The following RFX2 variants were observed in gnomAD, a reference collection of about 807,000 sequenced individuals.
The protein encoded by RFX2 is DNA-binding protein RFX2.
In RFX2, 20 loss-of-function variants were observed where a neutral mutation model predicts 87.8. The observed-to-expected ratio is 0.23, with a 90% CI of 0.16 to 0.33. The LOEUF (loss-of-function observed/expected upper bound fraction) is 0.33, where lower values mean the gene tolerates loss of function less well. Ranked by LOEUF, RFX2 falls within the 10% of genes least tolerant of loss-of-function variation. RFX2 has a pLI of 1.00. For synonymous variants in RFX2, 397 were observed against 431.3 expected (o/e 0.92, Z 0.98); for missense variants, 767 against 1,012.3 (o/e 0.76, Z 3.29).
In RFX2 at chr19:6,050,119, C is replaced by G. The variant is rs1452546728; in HGVS notation, c.-8-2615G>C. On this transcript the variant is annotated intron_variant, in intron 1 of 17. Coordinates refer to ENST00000303657, the MANE Select transcript of RFX2 (RefSeq NM_000635.4). This position sits in a 1 kb window ranked among gnomAD's most constrained non-coding sequence, Gnocchi z 4.6. Reference sequence around the variant, plus strand: ...AAGGTGTGGGGGAGATACCAGGGGTCTTGGGGAAAAACCAGCAGTGCAAAG... The same window carrying G: ...AAGGTGTGGGGGAGATACCAGGGGTGTTGGGGAAAAACCAGCAGTGCAAAG... Among the ~76,000 whole-genome samples, 1 of 152,146 alleles carries G rather than the reference C, an allele frequency of 6.6e-6. No homozygotes were observed. Among genetic ancestry groups the G allele is most frequent in the Non-Finnish European group, 1.5e-5 (1 of 68,018 alleles).
chr19:5,999,885 G>A lies in RFX2; in HGVS notation c.1859+1930C>T, dbSNP rs997662063. Among the ~76,000 whole-genome samples the A allele has an allele frequency of 1.3e-5, 2 of 152,188 alleles. No homozygotes were observed. Among genetic ancestry groups the A allele is most frequent in the South Asian group, 2.1e-4 (1 of 4,830 alleles). ...GATGTTCCAGGCAAGGGGGGCAGGTGCAAAGGCCCTGAGGCAGCGTGGCCA... is the reference window on the plus strand; with the variant it reads ...GATGTTCCAGGCAAGGGGGGCAGGTACAAAGGCCCTGAGGCAGCGTGGCCA... On this transcript the variant is annotated intron_variant, in intron 15 of 17. Transcript: ENST00000303657. This position sits in a 1 kb window ranked among gnomAD's most constrained non-coding sequence, Gnocchi z 4.1.
chr19:6,066,231 A>C (rs2087509292), intron 1 of RFX2, among the ~76,000 whole-genome samples: 1 of 152,066 alleles, frequency 6.6e-6, no homozygotes, highest in Non-Finnish European at 1.5e-5. Context: ...CATAACATAC[A>C]CATCCCACTG....
In RFX2 at chr19:5,997,032, C is replaced by G; in HGVS notation, c.2013+28G>C. On this transcript the variant is annotated intron_variant, in intron 16 of 17. Transcript: ENST00000303657. The surrounding 1 kb of genome is among the most constrained non-coding windows in gnomAD (Gnocchi z 4.2). ...TCTCCCCACAGGCCCGGCCAAGCCC[C>G]GGCCGTCCCACCCAGGAGGGTCCTC... 1 of 1,591,110 alleles carries G rather than the reference C, an allele frequency of 6.3e-7. No individual in the cohort carries two copies. Among genetic ancestry groups the G allele is most frequent in the South Asian group, 1.1e-5 (1 of 89,226 alleles).
rs755711204 is a variant in RFX2 at position 6,047,606 on chromosome 19, A to G, written c.-8-102T>C. 4 of 931,818 alleles carry G rather than the reference A, an allele frequency of 4.3e-6. No individual in the cohort carries two copies. The highest frequency in any genetic ancestry group is 3.3e-5 in the African/African-American group (2 of 60,410). 57.7% of individuals were successfully genotyped at this position (931,818 alleles called of 1,614,324 possible). The stretch of plus-strand genomic sequence containing the variant: ...AGGGAGGGAAGGAGTAACCAGCTAC[A>G]TTCTTCAAAGTCGAAAGGCAGAGAC... On this transcript the variant is annotated intron_variant, in intron 1 of 17. Transcript: ENST00000303657. This position sits in a 1 kb window ranked among gnomAD's most constrained non-coding sequence, Gnocchi z 4.2.
At position 5,997,916 on chromosome 19, in the gene RFX2, C is replaced by T. The variant is rs999271383; in HGVS notation, c.1860-703G>A. ...GTGTCCACAGACAGTTTCACTGGCA[C>T]GCGTCATGCCCGTTCCTATGTTGTC... On this transcript the variant is annotated intron_variant, in intron 15 of 17. Transcript: ENST00000303657. This position sits in a 1 kb window ranked among gnomAD's most constrained non-coding sequence, Gnocchi z 4.2. 6.6e-5 allele frequency among the ~76,000 whole-genome samples: 10 copies of T among 152,162 alleles called. No individual in the cohort carries two copies. Among genetic ancestry groups the T allele is most frequent in the African/African-American group, 1.9e-4 (8 of 41,424 alleles).
In RFX2 at chr19:6,004,281, T is replaced by C. The variant is rs773195810; in HGVS notation, c.1420A>G (p.Ile474Val). 1 of 1,613,844 alleles carries C rather than the reference T, an allele frequency of 6.2e-7. No homozygotes were observed. Residue 474 changes from isoleucine to valine, a missense_variant, in exon 13 of 18, where the codon ATC (isoleucine) becomes GTC (valine). Transcript: ENST00000303657. The surrounding 1 kb of genome is among the most constrained non-coding windows in gnomAD (Gnocchi z 4.8). ...RPVPSTLTQA[I>V]RNFAKSLEGW... ...TCCAAGCTCTTGGCAAAGTTACGGA[T>C]GGCCTGTGTCAAGGTACCTGGGGGA...
At position 6,046,351 on chromosome 19, in the gene RFX2, C is replaced by T. The variant is rs535931533; in HGVS notation, c.90+1056G>A. ...ATCCCAGCACTTTGGGAGGCTGAGG[C>T]GGGCAGATCACCTGAGGTCAGGAGT... On this transcript the variant is annotated intron_variant, in intron 2 of 17. Coordinates refer to ENST00000303657, the MANE Select transcript of RFX2 (RefSeq NM_000635.4). 3.0e-4 allele frequency among the ~76,000 whole-genome samples: 45 copies of T among 152,190 alleles called. No individual in the cohort carries two copies. The South Asian group carries it at 3.9e-3, about 13-fold the overall frequency.
In RFX2 at chr19:6,016,205, T is replaced by G; in HGVS notation, c.664A>C (p.Asn222His). 3 of 1,614,076 alleles carry G rather than the reference T, an allele frequency of 1.9e-6. No homozygotes were observed. Among genetic ancestry groups the G allele is most frequent in the Non-Finnish European group, 2.5e-6 (3 of 1,179,924 alleles). The change falls in exon 7 of 18, where the codon AAC becomes CAC. Residue 222 changes from asparagine (N) to histidine (H), a missense_variant. By Grantham distance (68) the Asn-to-His change is moderately conservative. Transcript: ENST00000303657. The surrounding 1 kb of genome is among the most constrained non-coding windows in gnomAD (Gnocchi z 5.4). Reference sequence around the variant, plus strand: ...TCCTGGCAGTGCCGAAGGTAGTGGTTGTAAAGAGAACTTCTGGGGAGACTC... The same window carrying G: ...TCCTGGCAGTGCCGAAGGTAGTGGTGGTAAAGAGAACTTCTGGGGAGACTC... ...GVSLPRSSLYNHYLRHCQEHK... is the reference protein window; with the variant it reads ...GVSLPRSSLYHHYLRHCQEHK...
At position 6,039,324 on chromosome 19, in the gene RFX2, G is replaced by A. The variant is rs2087069282; in HGVS notation, c.522+656C>T. Among the ~76,000 whole-genome samples, 1 of 152,206 alleles carries A rather than the reference G, an allele frequency of 6.6e-6. No individual in the cohort carries two copies. Among genetic ancestry groups the A allele is most frequent in the Admixed American group, 6.5e-5 (1 of 15,282 alleles). The stretch of plus-strand genomic sequence containing the variant: ...GCTGGGGATGGGGGAGGTTGTGACT[G>A]CCAAGAAATACCACGAGGGGGTTTT... On this transcript the variant is annotated intron_variant, in intron 5 of 17. Coordinates refer to ENST00000303657, the MANE Select transcript of RFX2 (RefSeq NM_000635.4). This position sits in a 1 kb window ranked among gnomAD's most constrained non-coding sequence, Gnocchi z 5.2.
intron 9 of RFX2, among the ~76,000 whole-genome samples, chr19:6,009,127 G>A (rs2086627586): frequency 6.6e-6 from 1 of 152,170 alleles, no homozygotes; most frequent in Non-Finnish European, 1.5e-5. Flanking sequence ...CCAGCTCAGG[G>A]CAGCACATCT....
chr19:5,996,334 C>T (rs949858350), intron 16 of RFX2, among the ~76,000 whole-genome samples: 2 of 41,078 alleles, frequency 4.9e-5, no homozygotes, highest in Non-Finnish European at 9.8e-5. Context: ...CACGGAGGGA[C>T]GAGCGGTCAG....
intron 5 of RFX2, among the ~76,000 whole-genome samples, chr19:6,034,049 T>C (rs1057325288): frequency 6.6e-6 from 1 of 152,074 alleles, no homozygotes; most frequent in Non-Finnish European, 1.5e-5. Context: ...TGGCAGATGG[T>C]AGGAGTACCC....
intron 1 of RFX2, among the ~76,000 whole-genome samples, chr19:6,091,878 T>C (rs2087941237): frequency 1.3e-5 from 2 of 152,352 alleles, no homozygotes; most frequent in East Asian, 1.9e-4. Flanking sequence ...GTAGGCATTT[T>C]ACAATCAGGA....
rs766967548 is a variant in RFX2 at position 6,026,183 on chromosome 19, T to G, written c.577A>C (p.Ser193Arg). 5.6e-6 allele frequency: 9 copies of G among 1,613,960 alleles called. No individual in the cohort carries two copies. The South Asian group carries it at 9.9e-5, about 18-fold the overall frequency. ...CTTACATGGCTGTTGAGTAAACCGC[T>G]TTTGTGTGATGTGATTCCTTCGCTT... ...QKSEGITSHK[S>R]GLLNSHLQWL... The change falls in exon 6 of 18, where the codon AGC becomes CGC. Residue 193 changes from serine (S) to arginine (R), a missense_variant. Physicochemically the swap from Ser to Arg is moderately radical, Grantham distance 110. Transcript: ENST00000303657. The surrounding 1 kb of genome is among the most constrained non-coding windows in gnomAD (Gnocchi z 4.5).
chr19:6,031,160 C>T (rs10401913), intron 5 of RFX2, among the ~76,000 whole-genome samples: 3,010 of 152,044 alleles, frequency 0.02, 97 homozygotes, highest in African/African-American at 0.068. Context: ...TACCTGAGTC[C>T]GAATAATCAT....
chr19:6,004,071 A>C lies in RFX2; in HGVS notation c.1500+130T>G, dbSNP rs141418646. 22 of 733,278 alleles carry C rather than the reference A, an allele frequency of 3.0e-5. No homozygotes were observed. The highest frequency in any genetic ancestry group is 3.8e-4 in the Middle Eastern group (1 of 2,628). 45.4% of individuals were successfully genotyped at this position (733,278 alleles called of 1,614,324 possible). ...CCGGCAGTGTGCTCAGGGCTTCCTGAAGGGATCGGTTACTCTCATGACGCA... is the reference window on the plus strand; with the variant it reads ...CCGGCAGTGTGCTCAGGGCTTCCTGCAGGGATCGGTTACTCTCATGACGCA... On this transcript the variant is annotated intron_variant, in intron 13 of 17. Transcript: ENST00000303657. The surrounding 1 kb of genome is among the most constrained non-coding windows in gnomAD (Gnocchi z 4.8).
At chr19:6,076,014 C>T (rs959327191) in intron 1 of RFX2, among the ~76,000 whole-genome samples, 2 of 152,192 alleles carry the variant, frequency 1.3e-5, no homozygotes, top group Admixed American at 6.5e-5. Flanking sequence ...CACCCCTTTA[C>T]TTGGCTTTCG....
chr19:6,029,801 C>G (rs2086933631), intron 5 of RFX2, among the ~76,000 whole-genome samples: 1 of 152,090 alleles, frequency 6.6e-6, no homozygotes, highest in South Asian at 2.1e-4. Context: ...TAAAAAGGAA[C>G]CAAATAAAAT....
At chr19:6,042,167 T>C (rs1723714468) in intron 3 of RFX2, 44 bp from the exon 4 acceptor site, 1 of 1,543,708 alleles carries the variant, frequency 6.5e-7, no homozygotes, top group Non-Finnish European at 8.9e-7. Flanking sequence ...CACGCCCTCG[T>C]GAGTTGCCTG....
Sources: gnomAD v4.1 joint callset for allele counts (sites outside exome capture counted in the v4.1 genomes callset) on GRCh38, gnomAD v4.1.1 for gene constraint, Gnocchi (gnomAD v3.1) non-coding constraint, MANE v1.5 for transcripts, NCBI Gene and HGNC (gene_info 2026-07-23, HGNC 2026-07-21) for gene names.